The following TFB1M variants were observed in gnomAD, a reference collection of about 807,000 sequenced individuals.
TFB1M encodes transcription factor B1, mitochondrial.
Under a neutral mutation model 31.1 loss-of-function variants are expected in TFB1M, and 27 were observed. That is an observed-to-expected ratio of 0.87 (90% CI 0.64 to 1.20). The LOEUF (loss-of-function observed/expected upper bound fraction) is 1.20, where lower values mean the gene tolerates loss of function less well. TFB1M is among the 50% of genes most tolerant of loss of function. The pLI is 0.00. For missense variants in TFB1M, 394 were observed against 418.7 expected, an observed-to-expected ratio of 0.94 and a Z score of 0.51; for synonymous variants, 166 against 151.8, an observed-to-expected ratio of 1.09 and a Z score of -0.69.
At chr6:155,254,412 C>CG (rs755921688), downstream of TFB1M, 47 of 1,609,732 alleles carry the variant, frequency 2.9e-5, no homozygotes, top group Admixed American at 2.3e-4. Flanking sequence ...TCTCCCCCCC[C>CG]ACCCAGTGAC....
At chr6:155,306,198 A>G (rs412141) in intron 2 of TFB1M, among the ~76,000 whole-genome samples, 20,743 of 152,148 alleles carry the variant, frequency 0.14, 2,058 homozygotes, top group African/African-American at 0.27. Flanking sequence ...GACTGACCAT[A>G]CCAAGTCTGA....
the TFB1M span, among the ~76,000 whole-genome samples, chr6:155,234,070 A>G: frequency 1.3e-5 from 2 of 151,766 alleles, no homozygotes; most frequent in South Asian, 2.1e-4. Flanking sequence ...AAATGTTTTT[A>G]TTTAATCTTT....
chr6:155,253,657 G>A (rs1463043405), downstream of TFB1M: 1 of 238,086 alleles, frequency 4.2e-6, no homozygotes, highest in African/African-American at 2.3e-5. Context: ...TCCTTCCAAG[G>A]AAAGGGCAAA....
At chr6:155,276,605 G>A (rs1785235560) in intron 5 of TFB1M, 1 of 446,794 alleles carries the variant, frequency 2.2e-6, no homozygotes, top group Admixed American at 4.0e-5. Flanking sequence ...TTTACTTAAA[G>A]ATTTATAATT....
At chr6:155,252,145 C>T (rs1783701111), downstream of TFB1M, 1 of 642,356 alleles carries the variant, frequency 1.6e-6, no homozygotes, top group Non-Finnish European at 2.7e-6. Context: ...CCATCACATA[C>T]TGAGAGCGTT....
the TFB1M span, among the ~76,000 whole-genome samples, chr6:155,242,340 G>C: frequency 6.6e-6 from 1 of 152,228 alleles, no homozygotes; most frequent in East Asian, 1.9e-4. Flanking sequence ...GTTTAACACA[G>C]AATCTTGTTG....
chr6:155,245,754 A>ATTTTTTTT, the TFB1M span: 28 of 562,742 alleles, frequency 5.0e-5, no homozygotes, highest in South Asian at 1.1e-4. Context: ...TGCCTTTTAT[A>ATTTTTTTT]GTTTTTTTTT....
chr6:155,238,131 C>A, the TFB1M span, among the ~76,000 whole-genome samples: 1 of 152,168 alleles, frequency 6.6e-6, no homozygotes, highest in East Asian at 1.9e-4. Context: ...TCCCAGATAC[C>A]TTAAATCATC....
chr6:155,306,725 GGGAA>G (rs1423065145), intron 2 of TFB1M, among the ~76,000 whole-genome samples: 2 of 152,158 alleles, frequency 1.3e-5, no homozygotes, highest in African/African-American at 2.4e-5. Flanking sequence ...TAGATAAAGG[GGGAA>G]GGAAGGGACA....
intron 2 of TFB1M, among the ~76,000 whole-genome samples, chr6:155,300,780 T>C (rs916611443): frequency 6.6e-6 from 1 of 151,982 alleles, no homozygotes; most frequent in African/African-American, 2.4e-5. Context: ...TTACCTTCCT[T>C]TCCTGGGTTT....
intron 4 of TFB1M, among the ~76,000 whole-genome samples, chr6:155,292,973 C>A (rs566234586): frequency 6.6e-6 from 1 of 152,144 alleles, no homozygotes; most frequent in Admixed American, 6.5e-5. Context: ...AGACCACAGG[C>A]ATGCAGCACC....
At chr6:155,246,222 C>G in the TFB1M span, among the ~76,000 whole-genome samples, 2 of 152,170 alleles carry the variant, frequency 1.3e-5, no homozygotes, top group Non-Finnish European at 2.9e-5. Flanking sequence ...CGGTGTTTCT[C>G]TCTGCGTGGG....
the TFB1M span, chr6:155,250,751 T>C: frequency 8.8e-7 from 1 of 1,141,318 alleles, no homozygotes; most frequent in South Asian, 1.5e-5. Flanking sequence ...ACTCATATTT[T>C]CAAAAGCTCC....
At chr6:155,283,113 C>T (rs945802162) in intron 5 of TFB1M, among the ~76,000 whole-genome samples, 3 of 152,116 alleles carry the variant, frequency 2.0e-5, no homozygotes, top group Admixed American at 6.5e-5. Context: ...CTGCTTTGCC[C>T]TAATATGGTA....
chr6:155,260,122 C>T, intron 6 of TFB1M, 151 bp downstream of exon 6: 1 of 918,604 alleles, frequency 1.1e-6, no homozygotes, highest in Non-Finnish European at 1.7e-6. Context: ...TTTGCTCTCT[C>T]CTCATTGGCA....
chr6:155,267,947 G>T (rs1171869057), intron 5 of TFB1M, among the ~76,000 whole-genome samples: 1 of 152,172 alleles, frequency 6.6e-6, no homozygotes, highest in East Asian at 1.9e-4. Flanking sequence ...TCTGTAATTT[G>T]TCCACTGAAA....
chr6:155,279,881 A>G (rs1785413795), intron 5 of TFB1M, among the ~76,000 whole-genome samples: 1 of 152,174 alleles, frequency 6.6e-6, no homozygotes, highest in African/African-American at 2.4e-5. Flanking sequence ...ATCTCTATTC[A>G]ACACGTATTT....
chr6:155,282,806 C>T (rs1776433871), intron 5 of TFB1M, among the ~76,000 whole-genome samples: 1 of 151,932 alleles, frequency 6.6e-6, no homozygotes, highest in Non-Finnish European at 1.5e-5. Context: ...CGCCTCGCTG[C>T]AAGCTCCGCC....
At chr6:155,295,772 T>A (rs1777142221) in intron 4 of TFB1M, among the ~76,000 whole-genome samples, 1 of 152,246 alleles carries the variant, frequency 6.6e-6, no homozygotes, top group African/African-American at 2.4e-5. Flanking sequence ...TTTTCCCTTA[T>A]CATTATTCCT....
Sources: gnomAD v4.1 joint callset for allele counts (sites outside exome capture counted in the v4.1 genomes callset) on GRCh38, gnomAD v4.1.1 for gene constraint, MANE v1.5 for transcripts, NCBI Gene and HGNC (gene_info 2026-07-23, HGNC 2026-07-21) for gene names.